Variants in THUMPD2 observed in about 807,000 individuals in gnomAD.
THUMPD2 encodes THUMP domain 2 tRNA and snRNA guanosine methyltransferase.
In THUMPD2, 56 loss-of-function variants were observed where a neutral mutation model predicts 49.4. The ratio of observed to expected loss-of-function variants is 1.13; its 90% CI spans 0.91 to 1.41. The LOEUF (loss-of-function observed/expected upper bound fraction) is 1.41, where lower values mean the gene tolerates loss of function less well. THUMPD2 is among the 40% of genes most tolerant of loss of function. The pLI, the probability that THUMPD2 is intolerant of heterozygous loss-of-function variation, is 0.00. For missense variants in THUMPD2, 709 were observed against 594.5 expected (o/e 1.19, Z -2.00); for synonymous variants, 237 against 205.2 (o/e 1.15, Z -1.32).
At chr2:39,744,608 TTAAAG>T (rs1280149047) in intron 8 of THUMPD2, 130 bp from the exon 9 acceptor site, 1 of 537,498 alleles carries the variant, frequency 1.9e-6, no homozygotes, top group East Asian at 3.6e-5. Flanking sequence ...TAATATTGTT[TTAAAG>T]TAATTACAAG....
intron 6 of THUMPD2, 115 bp from the exon 7 acceptor site, chr2:39,756,075 G>T: frequency 1.0e-6 from 1 of 971,428 alleles, no homozygotes; most frequent in Non-Finnish European, 1.6e-6. Context: ...TTTTAAAGGG[G>T]TGGTGGCTGA....
At position 39,736,646 on chromosome 2, in the gene THUMPD2, G is replaced by A; in HGVS notation, c.*89C>T. ...GGGGAATTTGGTTACTTGGAGCTCT[G>A]TGGGTGCTATATGAATCCTAGAGAC... On this transcript the variant is annotated 3_prime_UTR_variant, in exon 10 of 10. Coordinates refer to ENST00000505747, the MANE Select transcript of THUMPD2 (RefSeq NM_025264.5). 1 of 1,229,498 alleles carries A rather than the reference G, an allele frequency of 8.1e-7. No individual in the cohort carries two copies. The highest frequency in any genetic ancestry group is 1.1e-6 in the Non-Finnish European group (1 of 898,134). 76.2% of individuals were successfully genotyped at this position (1,229,498 alleles called of 1,614,324 possible).
At chr2:39,771,483 C>A (rs1678306835) in intron 2 of THUMPD2, 22 bp downstream of exon 2, 1 of 1,571,220 alleles carries the variant, frequency 6.4e-7, no homozygotes, top group African/African-American at 1.4e-5. Flanking sequence ...GTAAAAGCAA[C>A]ATGCATATGA....
intron 8 of THUMPD2, among the ~76,000 whole-genome samples, chr2:39,752,403 G>T (rs759200509): frequency 1.4e-4 from 21 of 152,128 alleles, no homozygotes; most frequent in Non-Finnish European, 2.4e-4. Context: ...AATTCCTATA[G>T]TAAAAAGGCA....
chr2:39,745,372 T>A (rs1674434012), intron 8 of THUMPD2, among the ~76,000 whole-genome samples: 1 of 152,134 alleles, frequency 6.6e-6, no homozygotes. Flanking sequence ...AACCCTTATG[T>A]GGGGTTAATA....
chr2:39,755,533 C>A, intron 7 of THUMPD2, 124 bp from the exon 8 acceptor site: 1 of 653,606 alleles, frequency 1.5e-6, no homozygotes, highest in South Asian at 2.3e-5. Context: ...CAGGTCAAAA[C>A]ACATTTAGGG....
intron 5 of THUMPD2, among the ~76,000 whole-genome samples, chr2:39,763,878 A>C (rs1274822864): frequency 6.6e-6 from 1 of 150,964 alleles, no homozygotes; most frequent in Non-Finnish European, 1.5e-5. Context: ...ATGTAAATCA[A>C]ACTTCCTTAT....
In THUMPD2 at chr2:39,779,121, G is replaced by A. The variant is rs780438304; in HGVS notation, c.119C>T (p.Ala40Val). Residue 40 changes from alanine to valine, a missense_variant, in exon 1 of 10, where the codon GCC (alanine) becomes GTC (valine). By Grantham distance (64) the Ala-to-Val change is moderately conservative. Coordinates refer to ENST00000505747, the MANE Select transcript of THUMPD2 (RefSeq NM_025264.5). The stretch of plus-strand genomic sequence containing the variant: ...GCAGCGAGGCCAACTCACCTGCGTG[G>A]CCGCCAGCCGCGCCCGCACCTCTCG... ...VMREVRARLA[A>V]TQVEYISGKV... 2 of 1,509,888 alleles carry A rather than the reference G, an allele frequency of 1.3e-6. No individual in the cohort carries two copies. The highest frequency in any genetic ancestry group is 1.4e-5 in the African/African-American group (1 of 69,272). The allele number at this position is 1,509,888 out of a possible 1,614,324, so 93.5% of individuals were successfully genotyped here.
intron 1 of THUMPD2, among the ~76,000 whole-genome samples, chr2:39,776,315 A>C (rs529804481): frequency 5.1e-4 from 78 of 152,286 alleles, no homozygotes; most frequent in Non-Finnish European, 1.0e-3. Flanking sequence ...TTCTAGATAA[A>C]ACTTACAGAA....
chr2:39,748,434 G>C (rs993579142), intron 8 of THUMPD2, among the ~76,000 whole-genome samples: 11 of 152,214 alleles, frequency 7.2e-5, no homozygotes, highest in Admixed American at 7.2e-4. Flanking sequence ...CGGGTACGGT[G>C]GTTCACGCCT....
At chr2:39,772,630 G>A (rs573928715) in intron 1 of THUMPD2, among the ~76,000 whole-genome samples, 119 of 152,310 alleles carry the variant, frequency 7.8e-4, no homozygotes, top group African/African-American at 2.7e-3. Flanking sequence ...GTGACAAATG[G>A]TGCTCAATAC....
At chr2:39,764,351 T>A (rs1050790194) in intron 5 of THUMPD2, among the ~76,000 whole-genome samples, 1 of 152,196 alleles carries the variant, frequency 6.6e-6, no homozygotes, top group African/African-American at 2.4e-5. Context: ...CAGAGAAATA[T>A]GATAACTTGC....
At chr2:39,741,565 G>A (rs1477037523) in intron 9 of THUMPD2, among the ~76,000 whole-genome samples, 1 of 152,140 alleles carries the variant, frequency 6.6e-6, no homozygotes, top group East Asian at 1.9e-4. Context: ...CATTTGAGGA[G>A]AAAACTCAAA....
chr2:39,753,016 G>A (rs576972975), intron 8 of THUMPD2, among the ~76,000 whole-genome samples: 23 of 152,100 alleles, frequency 1.5e-4, no homozygotes, highest in African/African-American at 3.9e-4. Flanking sequence ...TCCTTCCTCC[G>A]TCATGCCAAA....
rs1274723841 is a variant in THUMPD2 at position 39,769,252 on chromosome 2, T to C, written c.672+458A>G. On this transcript the variant is annotated intron_variant, in intron 3 of 9. Coordinates refer to ENST00000505747, the MANE Select transcript of THUMPD2 (RefSeq NM_025264.5). Reference sequence around the variant, plus strand: ...AAGAAAGTCATTACTTGGAATGGCATACCATTCCTCTTAAACATCTGAGGA... The same window carrying C: ...AAGAAAGTCATTACTTGGAATGGCACACCATTCCTCTTAAACATCTGAGGA... 5 of 347,580 alleles carry C rather than the reference T, an allele frequency of 1.4e-5. No homozygotes were observed. In the East Asian group the frequency reaches 2.3e-4, roughly 16 times the overall value. The allele number at this position is 347,580 out of a possible 1,614,324, so 21.5% of individuals were successfully genotyped here.
At chr2:39,753,775 G>A (rs986530765) in intron 8 of THUMPD2, among the ~76,000 whole-genome samples, 8 of 152,014 alleles carry the variant, frequency 5.3e-5, no homozygotes, top group Admixed American at 1.3e-4. Context: ...ACCTTCTCTC[G>A]ACATCTCCTT....
intron 9 of THUMPD2, among the ~76,000 whole-genome samples, chr2:39,740,900 T>A (rs1487616313): frequency 6.6e-6 from 1 of 152,048 alleles, no homozygotes; most frequent in Non-Finnish European, 1.5e-5. Flanking sequence ...TATTTAGAGA[T>A]GAGTTCTTGC....
chr2:39,772,913 T>C (rs1257495800), intron 1 of THUMPD2, among the ~76,000 whole-genome samples: 1 of 152,188 alleles, frequency 6.6e-6, no homozygotes. Context: ...GGGTTGCTAC[T>C]CCAGGCTGAT....
In THUMPD2 at chr2:39,736,634, A is replaced by T; in HGVS notation, c.*101T>A. The T allele has an allele frequency of 9.2e-7, 1 of 1,087,718 alleles. No individual in the cohort carries two copies. The highest frequency in any genetic ancestry group is 1.3e-6 in the Non-Finnish European group (1 of 775,330). 67.4% of individuals were successfully genotyped at this position (1,087,718 alleles called of 1,614,324 possible). On this transcript the variant is annotated 3_prime_UTR_variant, in exon 10 of 10. Coordinates refer to ENST00000505747, the MANE Select transcript of THUMPD2 (RefSeq NM_025264.5). ...CTCCTGTCTTTGGGGGAATTTGGTTACTTGGAGCTCTGTGGGTGCTATATG... is the reference window on the plus strand; with the variant it reads ...CTCCTGTCTTTGGGGGAATTTGGTTTCTTGGAGCTCTGTGGGTGCTATATG...
Sources: gnomAD v4.1 joint callset for allele counts (sites outside exome capture counted in the v4.1 genomes callset) on GRCh38, gnomAD v4.1.1 for gene constraint, MANE v1.5 for transcripts, NCBI Gene and HGNC (gene_info 2026-07-23, HGNC 2026-07-21) for gene names.